The following CEP83 variants were observed in gnomAD, a reference collection of about 807,000 sequenced individuals.
CEP83 encodes the protein centrosomal protein 83.
CEP83 carries 70 observed loss-of-function variants against 101.9 expected under a neutral mutation model. The ratio of observed to expected loss-of-function variants is 0.69; its 90% CI spans 0.57 to 0.84. The LOEUF is 0.84. CEP83 is among the 40% of genes least tolerant of loss of function. CEP83 has a pLI of 0.00. For missense variants in CEP83, 715 were observed against 787.2 expected (o/e 0.91, Z 1.10); for synonymous variants, 264 against 267.9 (o/e 0.99, Z 0.14).
chr12:94,437,716 A>G (rs1566206627), intron 1 of CEP83, among the ~76,000 whole-genome samples: 1 of 152,234 alleles, frequency 6.6e-6, no homozygotes, highest in Non-Finnish European at 1.5e-5. Flanking sequence ...CAGCACTACA[A>G]GAACTGCTAA....
intron 14 of CEP83, among the ~76,000 whole-genome samples, chr12:94,327,617 C>G (rs909815619): frequency 6.6e-6 from 1 of 152,198 alleles, no homozygotes; most frequent in African/African-American, 2.4e-5. Context: ...ACTCAACTGA[C>G]ATTCTTCAAT....
At chr12:94,275,434 C>G in the CEP83 span, among the ~76,000 whole-genome samples, 1 of 152,198 alleles carries the variant, frequency 6.6e-6, no homozygotes, top group Non-Finnish European at 1.5e-5. Context: ...TGATGTCACG[C>G]TGTCTGACAT....
intron 1 of CEP83, among the ~76,000 whole-genome samples, chr12:94,445,533 T>C (rs1264242739): frequency 6.6e-6 from 1 of 152,116 alleles, no homozygotes; most frequent in East Asian, 1.9e-4. Flanking sequence ...CAAAATCCAC[T>C]GTTACATAAA....
intron 15 of CEP83, among the ~76,000 whole-genome samples, chr12:94,310,540 G>A (rs1047497813): frequency 7.2e-5 from 11 of 152,118 alleles, no homozygotes; most frequent in Non-Finnish European, 1.2e-4. Context: ...ATCAAAGCCT[G>A]TGCATACAAG....
At chr12:94,384,275 G>C (rs2062010291) in intron 6 of CEP83, among the ~76,000 whole-genome samples, 1 of 152,030 alleles carries the variant, frequency 6.6e-6, no homozygotes, top group African/African-American at 2.4e-5. Flanking sequence ...ACTTCCTTCT[G>C]GCCTCTGATT....
At chr12:94,432,913 A>G (rs1021141401) in intron 2 of CEP83, among the ~76,000 whole-genome samples, 2 of 152,244 alleles carry the variant, frequency 1.3e-5, no homozygotes, top group Non-Finnish European at 2.9e-5. Flanking sequence ...ATAAAATATT[A>G]TAACATATTT....
At chr12:94,359,006 A>C (rs961985574) in intron 11 of CEP83, among the ~76,000 whole-genome samples, 3 of 152,266 alleles carry the variant, frequency 2.0e-5, no homozygotes, top group Non-Finnish European at 2.9e-5. Context: ...GGCATTCTTA[A>C]GCCACAAACA....
chr12:94,289,186 G>A, the CEP83 span, among the ~76,000 whole-genome samples: 78 of 152,156 alleles, frequency 5.1e-4, no homozygotes, highest in Non-Finnish European at 6.8e-4. Context: ...AAGTGGTTTG[G>A]AGGATGTGTA....
intron 6 of CEP83, among the ~76,000 whole-genome samples, chr12:94,388,020 T>C (rs922912527): frequency 1.3e-5 from 2 of 152,242 alleles, no homozygotes; most frequent in African/African-American, 4.8e-5. Flanking sequence ...GAAAACAGTT[T>C]GGAGATTTCT....
chr12:94,306,884 T>TCAAA (rs369746258), downstream of CEP83: 57 of 152,130 alleles, frequency 3.7e-4, no homozygotes, highest in Admixed American at 3.5e-3. Flanking sequence ...CGGACACACC[T>TCAAA]CAAACAAACA....
chr12:94,312,261 A>G (rs1969980017), intron 15 of CEP83, among the ~76,000 whole-genome samples: 1 of 152,232 alleles, frequency 6.6e-6, no homozygotes, highest in African/African-American at 2.4e-5. Context: ...ACCTGTTGGT[A>G]ATAATTGCAC....
intron 6 of CEP83, 130 bp downstream of exon 6, chr12:94,400,720 T>A (rs557864128): frequency 2.3e-6 from 1 of 426,472 alleles, no homozygotes; most frequent in African/African-American, 2.1e-5. Flanking sequence ...ATGAAAATCA[T>A]GATGAATACT....
At chr12:94,341,839 A>G (rs979147723) in intron 11 of CEP83, among the ~76,000 whole-genome samples, 1 of 152,224 alleles carries the variant, frequency 6.6e-6, no homozygotes, top group Non-Finnish European at 1.5e-5. Context: ...AATGCTGAAC[A>G]TTTTATCACT....
chr12:94,269,666 G>T, the CEP83 span, among the ~76,000 whole-genome samples: 1 of 152,154 alleles, frequency 6.6e-6, no homozygotes, highest in Non-Finnish European at 1.5e-5. Flanking sequence ...CCTGATGTTT[G>T]CACTTCAGCA....
chr12:94,292,011 C>T, the CEP83 span, among the ~76,000 whole-genome samples: 4 of 152,198 alleles, frequency 2.6e-5, no homozygotes, highest in East Asian at 1.9e-4. Flanking sequence ...CTGGCTTCTT[C>T]GCGTGTTTTT....
chr12:94,316,103 T>C (rs1289454682), intron 14 of CEP83, among the ~76,000 whole-genome samples: 1 of 152,164 alleles, frequency 6.6e-6, no homozygotes, highest in Non-Finnish European at 1.5e-5. Flanking sequence ...AACTGACACC[T>C]TAATATTGAA....
intron 1 of CEP83, among the ~76,000 whole-genome samples, chr12:94,446,708 A>G (rs1454838769): frequency 6.6e-6 from 1 of 152,166 alleles, no homozygotes; most frequent in Admixed American, 6.5e-5. Context: ...CCCCACCTCA[A>G]AGAAAAAGAA....
chr12:94,316,595 G>C (rs1319718398), intron 14 of CEP83, among the ~76,000 whole-genome samples: 3 of 149,240 alleles, frequency 2.0e-5, no homozygotes, highest in Non-Finnish European at 3.0e-5. Context: ...TCTCAAGTAG[G>C]CCCCAGTATC....
intron 6 of CEP83, among the ~76,000 whole-genome samples, chr12:94,381,911 T>C (rs1001540731): frequency 6.6e-6 from 1 of 152,126 alleles, no homozygotes; most frequent in African/African-American, 2.4e-5. Flanking sequence ...ATTGGTAACA[T>C]TCCTCTTCCC....
Sources: allele counts gnomAD v4.1 joint callset (sites outside exome capture counted in the v4.1 genomes callset), GRCh38; gene constraint gnomAD v4.1.1; transcripts MANE v1.5; gene names NCBI Gene and HGNC (gene_info 2026-07-23, HGNC 2026-07-21).